Variants in ZC3H14 observed in about 807,000 individuals in gnomAD.
ZC3H14 encodes zinc finger CCCH domain-containing protein 14.
In ZC3H14, 31 loss-of-function variants were observed where a neutral mutation model predicts 92.4. The observed-to-expected ratio is 0.34, with a 90% CI of 0.25 to 0.45. The LOEUF is 0.45. Among genes scored for constraint, ZC3H14 ranks in the 20% least tolerant of loss-of-function variants. The probability of loss-of-function intolerance (pLI) is 1.00; values close to 1 mark genes in which losing one functional copy is unlikely to be tolerated. For synonymous variants in ZC3H14, 321 were observed against 300.9 expected (o/e 1.07, Z -0.69); for missense variants, 781 against 897.3 (o/e 0.87, Z 1.66).
Position 88,618,784 on chromosome 14 carries a change from C to T in ZC3H14, c.*7033C>T, listed in dbSNP as rs2140272839. ...TCCACTGAGTTCTCACTAGAACCTA[C>T]TGCCAGATACCGGGAATCCGGACTA... On this transcript the variant is annotated 3_prime_UTR_variant, in exon 17 of 17. Transcript: ENST00000251038. 6.3e-7 allele frequency: 1 copy of T among 1,595,812 alleles called. No individual in the cohort carries two copies. Among genetic ancestry groups the T allele is most frequent in the Non-Finnish European group, 8.5e-7 (1 of 1,169,842 alleles).
At chr14:88,585,670 G>A (rs1444864006) in intron 9 of ZC3H14, among the ~76,000 whole-genome samples, 1 of 152,072 alleles carries the variant, frequency 6.6e-6, no homozygotes, top group Non-Finnish European at 1.5e-5. Flanking sequence ...GATTATAGGT[G>A]TGAGCCACCA....
chr14:88,567,543 G>T (rs1268237629), intron 2 of ZC3H14, among the ~76,000 whole-genome samples: 1 of 151,406 alleles, frequency 6.6e-6, no homozygotes, highest in Non-Finnish European at 1.5e-5. Context: ...TTTAAATGAT[G>T]TGGAGCTTTT....
At chr14:88,587,152 T>A (rs1406677623) in intron 9 of ZC3H14, among the ~76,000 whole-genome samples, 1 of 144,338 alleles carries the variant, frequency 6.9e-6, no homozygotes, top group Non-Finnish European at 1.5e-5. Context: ...CTGAAAGATA[T>A]GTATCCTTCA....
intron 9 of ZC3H14, among the ~76,000 whole-genome samples, chr14:88,584,771 TA>T (rs2082283224): frequency 6.6e-6 from 1 of 152,172 alleles, no homozygotes; most frequent in Non-Finnish European, 1.5e-5. Flanking sequence ...AAACCTTGAA[TA>T]ACACCAGGGG....
intron 10 of ZC3H14, among the ~76,000 whole-genome samples, chr14:88,598,327 C>G (rs1174224664): frequency 2.6e-5 from 4 of 152,198 alleles, no homozygotes; most frequent in Non-Finnish European, 5.9e-5. Flanking sequence ...AGACTTTCCT[C>G]TCAGGCTGGT....
intron 16 of ZC3H14, 35 bp from the exon 17 acceptor site, chr14:88,611,710 G>GATA: frequency 6.2e-7 from 1 of 1,613,742 alleles, no homozygotes; most frequent in Non-Finnish European, 8.5e-7. Flanking sequence ...ATACAAAGCA[G>GATA]ATAATTAAAA....
chr14:88,580,676 G>C (rs571263348), intron 9 of ZC3H14, among the ~76,000 whole-genome samples: 6 of 152,188 alleles, frequency 3.9e-5, no homozygotes, highest in Admixed American at 3.9e-4. Context: ...TGTCTTTCAA[G>C]AAAACTTTCA....
Position 88,616,015 on chromosome 14 carries a change from T to C in ZC3H14, c.*4264T>C, listed in dbSNP as rs1289591011. 12 of 1,284,880 alleles carry C rather than the reference T, an allele frequency of 9.3e-6. No homozygotes were observed. Among genetic ancestry groups the C allele is most frequent in the African/African-American group, 8.9e-5 (6 of 67,612 alleles). The allele number at this position is 1,284,880 out of a possible 1,614,324, so 79.6% of individuals were successfully genotyped here. A position where few individuals can be genotyped will look rare whatever the true frequency, so the allele number is the denominator to read the frequency against. On this transcript the variant is annotated 3_prime_UTR_variant, in exon 17 of 17. Coordinates refer to ENST00000251038, the MANE Select transcript of ZC3H14 (RefSeq NM_024824.5). ...ATAAATATGAGATTCTGAAGAGCCA[T>C]CTGGTTATACTACCTTCTACTAATG... is the stretch of plus-strand genomic sequence containing the variant.
At chr14:88,610,140 A>C (rs1423986659) in intron 15 of ZC3H14, among the ~76,000 whole-genome samples, 1 of 152,202 alleles carries the variant, frequency 6.6e-6, no homozygotes, top group Non-Finnish European at 1.5e-5. Flanking sequence ...GAAGAAATCC[A>C]GTAGGTACTG....
At chr14:88,606,627 T>TG (rs2085445555) in intron 12 of ZC3H14, among the ~76,000 whole-genome samples, 1 of 151,192 alleles carries the variant, frequency 6.6e-6, no homozygotes, top group African/African-American at 2.4e-5. Flanking sequence ...ACGTGCTACT[T>TG]GGTAGGGGCT....
At position 88,627,571 on chromosome 14, in the gene ZC3H14, A is replaced by G. The variant is rs2140424042; in HGVS notation, c.*15820A>G. On this transcript the variant is annotated 3_prime_UTR_variant, in exon 17 of 17. Coordinates refer to ENST00000251038, the MANE Select transcript of ZC3H14 (RefSeq NM_024824.5). ...TTGTTTCAACCACCAACTTTAAGAC[A>G]AATATTAAATACAGAATTCCTACTA... 1 of 1,438,220 alleles carries G rather than the reference A, an allele frequency of 7.0e-7. No homozygotes were observed. The highest frequency in any genetic ancestry group is 1.4e-5 in the African/African-American group (1 of 70,356). The allele number at this position is 1,438,220 out of a possible 1,614,324, so 89.1% of individuals were successfully genotyped here.
intron 10 of ZC3H14, among the ~76,000 whole-genome samples, chr14:88,597,940 T>A (rs952118922): frequency 4.6e-5 from 7 of 152,188 alleles, no homozygotes; most frequent in African/African-American, 9.7e-5. Context: ...CCTATCACAT[T>A]TTTTATTCTA....
chr14:88,574,553 A>G (rs1379063818), intron 6 of ZC3H14, 140 bp from the exon 7 acceptor site: 2 of 1,096,060 alleles, frequency 1.8e-6, no homozygotes, highest in Non-Finnish European at 2.7e-6. Context: ...TCATATTTAT[A>G]TTTTTACATA....
rs1226451283 is a variant in ZC3H14 at position 88,613,884 on chromosome 14, CCCT to C, written c.*2135_*2137del. On this transcript the variant is annotated 3_prime_UTR_variant, in exon 17 of 17. Coordinates refer to ENST00000251038, the MANE Select transcript of ZC3H14 (RefSeq NM_024824.5). The stretch of plus-strand genomic sequence containing the variant: ...TGGCCTATCATGTTTCTTCACCTTC[CCCT>C]CGTTGCTGGCTGATACAGCGAGGTG... The C allele has an allele frequency of 6.6e-6, 1 of 152,152 alleles. No individual in the cohort carries two copies. Among genetic ancestry groups the C allele is most frequent in the Non-Finnish European group, 1.5e-5 (1 of 68,024 alleles). The allele number at this position is 152,152 out of a possible 1,614,324, so 9.4% of individuals were successfully genotyped here. A position where few individuals can be genotyped will look rare whatever the true frequency, so the allele number is the denominator to read the frequency against.
rs2089749901 is a variant in ZC3H14, at chr14:88,625,287, A to ACTTAGCTTTGTCAGG, written c.*13536_*13537insCTTAGCTTTGTCAGG. On this transcript the variant is annotated 3_prime_UTR_variant, in exon 17 of 17. Transcript: ENST00000251038. ...CTGAATTCACGAGTCAGGAAACCTG[A>ACTTAGCTTTGTCAGG]ACGGGAGGCTTAGCTTTGTCAGGAC... 3 of 746,260 alleles carry ACTTAGCTTTGTCAGG rather than the reference A, an allele frequency of 4.0e-6. No homozygotes were observed. Among genetic ancestry groups the ACTTAGCTTTGTCAGG allele is most frequent in the Non-Finnish European group, 6.2e-6 (3 of 484,572 alleles). The allele number at this position is 746,260 out of a possible 1,614,324, so 46.2% of individuals were successfully genotyped here.
Position 88,618,621 on chromosome 14 carries a change from C to A in ZC3H14, c.*6870C>A. The A allele has an allele frequency of 6.3e-7, 1 of 1,582,920 alleles. No individual in the cohort carries two copies. Reference sequence around the variant, plus strand: ...GAAATGTAAAAGCAGAAGAACTTGCCACCTGGGTATACAGTATTGGTACTG... The same window carrying A: ...GAAATGTAAAAGCAGAAGAACTTGCAACCTGGGTATACAGTATTGGTACTG... On this transcript the variant is annotated 3_prime_UTR_variant, in exon 17 of 17. Transcript: ENST00000251038.
chr14:88,598,408 A>G (rs2084152947), intron 10 of ZC3H14, among the ~76,000 whole-genome samples: 1 of 152,194 alleles, frequency 6.6e-6, no homozygotes, highest in Admixed American at 6.5e-5. Context: ...AAGTGGGGAA[A>G]GAAGGCTGGG....
At chr14:88,563,372 C>T (rs1235156118) in intron 1 of ZC3H14, 8 of 1,442,434 alleles carry the variant, frequency 5.5e-6, no homozygotes, top group Non-Finnish European at 7.2e-6. Flanking sequence ...GCTGAAGTAG[C>T]CGCCGGGAAA....
intron 12 of ZC3H14, among the ~76,000 whole-genome samples, chr14:88,605,969 C>G (rs1164860171): frequency 1.3e-5 from 2 of 152,070 alleles, no homozygotes; most frequent in African/African-American, 2.4e-5. Context: ...GGCTGAGCAA[C>G]TAAGTGGCAG....
Sources: allele counts gnomAD v4.1 joint callset (sites outside exome capture counted in the v4.1 genomes callset), GRCh38; gene constraint gnomAD v4.1.1; transcripts MANE v1.5; gene names NCBI Gene and HGNC (gene_info 2026-07-23, HGNC 2026-07-21).